Variants in CSGALNACT2 observed in about 807,000 individuals in gnomAD.
The protein encoded by CSGALNACT2 is chondroitin sulfate N-acetylgalactosaminyltransferase 2.
In CSGALNACT2, 35 loss-of-function variants were observed where a neutral mutation model predicts 55.3. The observed-to-expected ratio is 0.63, with a 90% CI of 0.48 to 0.84. The LOEUF (loss-of-function observed/expected upper bound fraction) is 0.84, where lower values mean the gene tolerates loss of function less well. Among genes scored for constraint, CSGALNACT2 ranks in the 40% least tolerant of loss-of-function variants. The probability of loss-of-function intolerance (pLI) is 0.00; values close to 1 mark genes in which losing one functional copy is unlikely to be tolerated. For missense variants in CSGALNACT2, 544 were observed against 657.5 expected (o/e 0.83, Z 1.89); for synonymous variants, 196 against 224.9 (o/e 0.87, Z 1.15).
At chr10:43,170,864 A>G (rs774404857) in intron 6 of CSGALNACT2, among the ~76,000 whole-genome samples, 19 of 152,240 alleles carry the variant, frequency 1.2e-4, no homozygotes, top group Middle Eastern at 3.2e-3. Flanking sequence ...TTCCCCAGGA[A>G]AGTCACAGGG....
chr10:43,178,104 A>T (rs1839515115), intron 7 of CSGALNACT2, among the ~76,000 whole-genome samples: 1 of 152,148 alleles, frequency 6.6e-6, no homozygotes, highest in Admixed American at 6.5e-5. Flanking sequence ...TAATTGGGTT[A>T]TGGAGTTTCT....
chr10:43,171,480 G>A (rs1839381925), intron 6 of CSGALNACT2, among the ~76,000 whole-genome samples: 2 of 151,612 alleles, frequency 1.3e-5, no homozygotes, highest in Admixed American at 1.3e-4. Flanking sequence ...AGCCTCCCAA[G>A]TAGCTGGGAT....
Position 43,183,776 on chromosome 10 carries a change from A to G in CSGALNACT2, c.*234A>G. On this transcript the variant is annotated 3_prime_UTR_variant, in exon 8 of 8. Transcript: ENST00000374466. ...GGAATAATTGACAAATTGAAATCTC[A>G]TATTTGTCCCAAAAGTTGTTTTGAG... The G allele has an allele frequency of 1.9e-6, 1 of 532,510 alleles. No homozygotes were observed. The highest frequency in any genetic ancestry group is 2.2e-5 in the South Asian group (1 of 44,900). The allele number at this position is 532,510 out of a possible 1,614,324, so 33.0% of individuals were successfully genotyped here.
chr10:43,153,274 G>C (rs1182609651), intron 1 of CSGALNACT2, among the ~76,000 whole-genome samples: 1 of 130,010 alleles, frequency 7.7e-6, no homozygotes, highest in Admixed American at 9.0e-5. Flanking sequence ...GGCGGAGCTT[G>C]CAGCGAGCCA....
intron 6 of CSGALNACT2, among the ~76,000 whole-genome samples, chr10:43,169,403 T>C (rs565795349): frequency 1.3e-5 from 2 of 152,374 alleles, no homozygotes; most frequent in African/African-American, 4.8e-5. Context: ...TTTTAAAATA[T>C]ATCTTTGAGG....
intron 6 of CSGALNACT2, among the ~76,000 whole-genome samples, chr10:43,171,991 C>T (rs1177543948): frequency 6.6e-6 from 1 of 152,150 alleles, no homozygotes; most frequent in African/African-American, 2.4e-5. Flanking sequence ...TAGGTCACTG[C>T]TTTTAAAAAG....
At chr10:43,144,785 C>T (rs2133091306) in intron 1 of CSGALNACT2, among the ~76,000 whole-genome samples, 1 of 152,092 alleles carries the variant, frequency 6.6e-6, no homozygotes, top group East Asian at 1.9e-4. Context: ...GTTTTTTCAC[C>T]CCTTTTTATA....
chr10:43,160,581 A>G lies in CSGALNACT2; in HGVS notation c.966A>G (p.Leu322=), dbSNP rs1839124344. The G allele has an allele frequency of 6.5e-7, 1 of 1,533,202 alleles. No homozygotes were observed. The highest frequency in any genetic ancestry group is 1.1e-5 in the South Asian group (1 of 89,100). 95.0% of individuals were successfully genotyped at this position (1,533,202 alleles called of 1,614,324 possible). ...GACTGTCTAAAGTCAAGTCTATCCT[A>G]GAATCTGTCACCAGGTTGGTGAACC... ...KEGLSKVKSI[L]ESVTSESNFH... The change falls in exon 4 of 8, where the codon CTA becomes CTG. Residue 322 remains leucine, a synonymous_variant. Transcript: ENST00000374466.
chr10:43,153,942 C>G lies in CSGALNACT2; in HGVS notation c.-253-955C>G, dbSNP rs549179499. ...TAGACTTGTAGGAAATCTGTTGATG[C>G]ATAATACAGTGGAAAGAATTATGTG... On this transcript the variant is annotated intron_variant, in intron 1 of 7. Coordinates refer to ENST00000374466, the MANE Select transcript of CSGALNACT2 (RefSeq NM_018590.5). Among the ~76,000 whole-genome samples, 7 of 152,264 alleles carry G rather than the reference C, an allele frequency of 4.6e-5. No individual in the cohort carries two copies. The South Asian group carries it at 1.4e-3, about 32-fold the overall frequency.
Position 43,159,307 on chromosome 10 carries a change from T to G in CSGALNACT2, c.878+376T>G, listed in dbSNP as rs111343304. On this transcript the variant is annotated intron_variant, in intron 3 of 7. Coordinates refer to ENST00000374466, the MANE Select transcript of CSGALNACT2 (RefSeq NM_018590.5). ...ATCATGACTCTTTTTTTATTTTTATTTTTTTTTTTGAGACAGGGTCTCACT... is the reference window on the plus strand; with the variant it reads ...ATCATGACTCTTTTTTTATTTTTATGTTTTTTTTTGAGACAGGGTCTCACT... 3.3e-4 allele frequency among the ~76,000 whole-genome samples: 50 copies of G among 150,374 alleles called. 4 individuals are homozygous for G. Among genetic ancestry groups the G allele is most frequent in the African/African-American group, 1.2e-3 (50 of 41,230 alleles).
chr10:43,178,234 C>T (rs185079111), intron 7 of CSGALNACT2, among the ~76,000 whole-genome samples: 129 of 152,268 alleles, frequency 8.5e-4, no homozygotes, highest in African/African-American at 2.9e-3. Context: ...AACCAAAATC[C>T]ATGGTCGATC....
chr10:43,145,045 A>G (rs2133091738), intron 1 of CSGALNACT2, among the ~76,000 whole-genome samples: 1 of 152,196 alleles, frequency 6.6e-6, no homozygotes, highest in African/African-American at 2.4e-5. Context: ...TTGTCCATTC[A>G]CCTGTTGGTG....
At chr10:43,181,830 C>A (rs1294423749) in intron 7 of CSGALNACT2, among the ~76,000 whole-genome samples, 3 of 119,686 alleles carry the variant, frequency 2.5e-5, no homozygotes, top group Non-Finnish European at 5.1e-5. Flanking sequence ...CGCCTGTAAT[C>A]CCAGCACTTT....
Position 43,183,183 on chromosome 10 carries a change from T to TTA in CSGALNACT2, c.1337-59_1337-58dup. The TTA allele has an allele frequency of 8.9e-6, 11 of 1,238,370 alleles. No individual in the cohort carries two copies. In the South Asian group the frequency reaches 9.1e-5, roughly 10 times the overall value. 76.7% of individuals were successfully genotyped at this position (1,238,370 alleles called of 1,614,324 possible). ...CTTTTGAAGCAGAACATTTAAAATTTTATATATATCCCTGTGCTCTGGCTA... is the reference window on the plus strand; with the variant it reads ...CTTTTGAAGCAGAACATTTAAAATTTTATATATATATCCCTGTGCTCTGGCTA... On this transcript the variant is annotated intron_variant, in intron 7 of 7. Coordinates refer to ENST00000374466, the MANE Select transcript of CSGALNACT2 (RefSeq NM_018590.5).
chr10:43,140,770 A>T (rs1838603909), intron 1 of CSGALNACT2, among the ~76,000 whole-genome samples: 1 of 152,276 alleles, frequency 6.6e-6, no homozygotes, highest in Non-Finnish European at 1.5e-5. Context: ...AAATTGAATT[A>T]TAGGGCTAGT....
rs1564524376 is a variant in CSGALNACT2, at chr10:43,185,121, CT to C, written c.*1581del. On this transcript the variant is annotated 3_prime_UTR_variant, in exon 8 of 8. Transcript: ENST00000374466. Reference sequence around the variant, plus strand: ...AATTACGATATTTAAAGTGAGAGAACTTAATTATTTGCAAAGGTAAGTTACA... The same window carrying C: ...AATTACGATATTTAAAGTGAGAGAACTAATTATTTGCAAAGGTAAGTTACA... 4 of 151,960 alleles carry C rather than the reference CT, an allele frequency of 2.6e-5. No homozygotes were observed. The allele number at this position is 151,960 out of a possible 1,614,324, so 9.4% of individuals were successfully genotyped here.
chr10:43,164,607 G>A (rs373485444), intron 5 of CSGALNACT2, among the ~76,000 whole-genome samples: 7 of 152,160 alleles, frequency 4.6e-5, no homozygotes, highest in African/African-American at 1.4e-4. Context: ...TCAGTACTTC[G>A]GGAGGCTTAG....
intron 1 of CSGALNACT2, among the ~76,000 whole-genome samples, chr10:43,143,275 T>A (rs1838670769): frequency 6.6e-6 from 1 of 152,272 alleles, no homozygotes; most frequent in Non-Finnish European, 1.5e-5. Context: ...AATATTCTGT[T>A]GTATAAATGT....
rs1408759101 is a variant in CSGALNACT2, at chr10:43,175,995, A to G, written c.1299A>G (p.Gly433=). Residue 433 remains glycine, a synonymous_variant, in exon 7 of 8, where the codon GGA becomes GGG. Coordinates refer to ENST00000374466, the MANE Select transcript of CSGALNACT2 (RefSeq NM_018590.5). ...GCTTTTGGCGAGATTTTGGCTTTGGAATGACTTGTCAGTATCGTTCAGATT... is the reference window on the plus strand; with the variant it reads ...GCTTTTGGCGAGATTTTGGCTTTGGGATGACTTGTCAGTATCGTTCAGATT... ...DSGFWRDFGF[G]MTCQYRSDFL... The G allele has an allele frequency of 6.2e-7, 1 of 1,610,814 alleles. No individual in the cohort carries two copies. Among genetic ancestry groups the G allele is most frequent in the South Asian group, 1.1e-5 (1 of 90,034 alleles).
Sources: allele counts gnomAD v4.1 joint callset (sites outside exome capture counted in the v4.1 genomes callset), GRCh38; gene constraint gnomAD v4.1.1; transcripts MANE v1.5; gene names NCBI Gene and HGNC (gene_info 2026-07-23, HGNC 2026-07-21).